XKR9: variants seen among roughly 807,000 people sequenced by gnomAD.
XKR9 encodes XK related 9.
XKR9 carries 32 observed loss-of-function variants against 32.0 expected under a neutral mutation model. That is an observed-to-expected ratio of 1.00 (90% confidence interval 0.76 to 1.34). The LOEUF is 1.34. Among genes scored for constraint, XKR9 ranks in the 40% most tolerant of loss-of-function variants. The probability of loss-of-function intolerance (pLI) is 0.00; values close to 1 mark genes in which losing one functional copy is unlikely to be tolerated. For synonymous variants in XKR9, 168 were observed against 143.4 expected (o/e 1.17, Z -1.22); for missense variants, 546 against 429.7 (o/e 1.27, Z -2.39).
the XKR9 span, among the ~76,000 whole-genome samples, chr8:70,811,317 A>G: frequency 1.3e-5 from 2 of 152,176 alleles, no homozygotes; most frequent in East Asian, 1.9e-4. Context: ...TTATAGCACT[A>G]AATGCCCACA....
the XKR9 span, among the ~76,000 whole-genome samples, chr8:71,036,029 A>G: frequency 6.6e-6 from 1 of 152,142 alleles, no homozygotes; most frequent in East Asian, 1.9e-4. Context: ...ATCCTTTTAC[A>G]TGACTGTCCA....
the XKR9 span, among the ~76,000 whole-genome samples, chr8:70,969,019 C>A: frequency 6.6e-6 from 1 of 152,196 alleles, no homozygotes; most frequent in Non-Finnish European, 1.5e-5. Flanking sequence ...ACCTCCCGGA[C>A]TCTAAAGCCA....
chr8:70,742,048 T>G (rs1377348778), intron 2 of XKR9, among the ~76,000 whole-genome samples: 1 of 152,192 alleles, frequency 6.6e-6, no homozygotes, highest in African/African-American at 2.4e-5. Flanking sequence ...ATTTCTTTAA[T>G]GATTAGTGAT....
chr8:70,742,170 A>G (rs1006530538), intron 2 of XKR9, among the ~76,000 whole-genome samples: 1 of 152,182 alleles, frequency 6.6e-6, no homozygotes, highest in Admixed American at 6.5e-5. Flanking sequence ...CTGTAACTGA[A>G]TAACAACAAA....
At chr8:70,724,263 A>G (rs1411972034) in intron 4 of XKR9, among the ~76,000 whole-genome samples, 1 of 152,132 alleles carries the variant, frequency 6.6e-6, no homozygotes, top group East Asian at 1.9e-4. Context: ...GGTCGACTTC[A>G]GACTGCTATG....
In XKR9 at chr8:70,735,257, C is replaced by A. The variant is rs1451596077; in HGVS notation, c.*833C>A. ...CTATTTATTGAACAAATCCCCATTT[C>A]CTCCTTCCCCAAGTCTCTCTCAACT... is the stretch of plus-strand genomic sequence containing the variant. On this transcript the variant is annotated 3_prime_UTR_variant, in exon 5 of 5. Transcript: ENST00000408926. 1.3e-5 allele frequency: 2 copies of A among 151,734 alleles called. No homozygotes were observed. The highest frequency in any genetic ancestry group is 2.4e-5 in the African/African-American group (1 of 41,346). 9.4% of individuals were successfully genotyped at this position (151,734 alleles called of 1,614,324 possible).
At chr8:70,708,508 A>T (rs1200430561) in intron 4 of XKR9, among the ~76,000 whole-genome samples, 1 of 152,282 alleles carries the variant, frequency 6.6e-6, no homozygotes, top group South Asian at 2.1e-4. Context: ...AACATTATGT[A>T]GCCACTAGAG....
At chr8:70,982,969 G>A in the XKR9 span, among the ~76,000 whole-genome samples, 3 of 152,164 alleles carry the variant, frequency 2.0e-5, no homozygotes, top group South Asian at 2.1e-4. Context: ...CAGCCTGCAC[G>A]TTAGGTTGTC....
intron 3 of XKR9, among the ~76,000 whole-genome samples, chr8:70,696,699 G>T (rs1390142983): frequency 8.9e-5 from 13 of 146,082 alleles, no homozygotes; most frequent in Admixed American, 8.9e-4. Flanking sequence ...CTTTAAAGTA[G>T]TTTTTTCCAA....
At chr8:71,044,520 G>T in the XKR9 span, among the ~76,000 whole-genome samples, 1 of 152,240 alleles carries the variant, frequency 6.6e-6, no homozygotes, top group Non-Finnish European at 1.5e-5. Context: ...CACTAAAATT[G>T]CTGAAGAGTA....
the XKR9 span, among the ~76,000 whole-genome samples, chr8:70,862,842 G>C: frequency 2.0e-5 from 3 of 152,122 alleles, no homozygotes; most frequent in Admixed American, 2.0e-4. Flanking sequence ...GTGGTACTGA[G>C]AGAAAGTATA....
chr8:70,728,170 C>A (rs925138434), intron 4 of XKR9, among the ~76,000 whole-genome samples: 2 of 152,114 alleles, frequency 1.3e-5, no homozygotes, highest in Non-Finnish European at 2.9e-5. Context: ...AGGTTAGAAG[C>A]AAGATGGAGT....
At chr8:70,972,540 T>A in the XKR9 span, among the ~76,000 whole-genome samples, 1 of 152,238 alleles carries the variant, frequency 6.6e-6, no homozygotes, top group East Asian at 1.9e-4. Flanking sequence ...CTCGTTTTGT[T>A]CCAGTTTTTA....
chr8:70,810,695 G>A, the XKR9 span, among the ~76,000 whole-genome samples: 58 of 152,192 alleles, frequency 3.8e-4, no homozygotes, highest in African/African-American at 1.3e-3. Context: ...GACAAAGAAG[G>A]CCATTACATA....
At chr8:70,690,232 T>C (rs1819462383) in intron 3 of XKR9, among the ~76,000 whole-genome samples, 2 of 152,138 alleles carry the variant, frequency 1.3e-5, no homozygotes, top group South Asian at 4.1e-4. Context: ...CAAATAGTTA[T>C]CTTTTCTGTT....
At chr8:70,985,160 G>C in the XKR9 span, among the ~76,000 whole-genome samples, 1 of 152,162 alleles carries the variant, frequency 6.6e-6, no homozygotes, top group Non-Finnish European at 1.5e-5. Flanking sequence ...TGTTGTGGGA[G>C]GAAATCCCTG....
At chr8:70,700,009 C>G (rs1805458005) in intron 3 of XKR9, among the ~76,000 whole-genome samples, 1 of 152,216 alleles carries the variant, frequency 6.6e-6, no homozygotes, top group African/African-American at 2.4e-5. Context: ...TCACGTAGTT[C>G]TCGAGCCTTG....
At chr8:70,713,452 C>T (rs1005017917) in intron 4 of XKR9, among the ~76,000 whole-genome samples, 5 of 152,058 alleles carry the variant, frequency 3.3e-5, no homozygotes, top group African/African-American at 7.2e-5. Context: ...ATCTGACAAG[C>T]GTACTCAGCA....
At chr8:71,033,896 T>C in the XKR9 span, among the ~76,000 whole-genome samples, 1 of 152,184 alleles carries the variant, frequency 6.6e-6, no homozygotes, top group Admixed American at 6.5e-5. Flanking sequence ...AGGTATTATG[T>C]TATAGCAGCA....
Sources: gnomAD v4.1 joint callset for allele counts (sites outside exome capture counted in the v4.1 genomes callset) on GRCh38, gnomAD v4.1.1 for gene constraint, MANE v1.5 for transcripts, NCBI Gene and HGNC (gene_info 2026-07-23, HGNC 2026-07-21) for gene names.